Variants in COL11A2 observed in about 807,000 individuals in gnomAD.
COL11A2 encodes the protein collagen type XI alpha 2 chain, also known as collagen alpha-2(XI) chain.
A neutral mutation model predicts 273.4 loss-of-function variants in COL11A2; 116 were observed. That is an observed-to-expected ratio of 0.42 (90% CI 0.36 to 0.49). The LOEUF is 0.49. COL11A2 is among the 20% of genes least tolerant of loss of function. COL11A2 has a pLI of 0.00. For synonymous variants in COL11A2, 782 were observed against 864.2 expected (o/e 0.90, Z 1.67); for missense variants, 1,866 against 2,309.0 (o/e 0.81, Z 3.93).
In COL11A2 at chr6:33,177,115, A is replaced by C; in HGVS notation, c.2016+66T>G. The C allele has an allele frequency of 7.4e-6, 12 of 1,612,480 alleles. No individual in the cohort carries two copies. Among genetic ancestry groups the C allele is most frequent in the Non-Finnish European group, 1.0e-5 (12 of 1,179,624 alleles). On this transcript the variant is annotated intron_variant, in intron 24 of 65. Transcript: ENST00000341947. The surrounding 1 kb of genome is among the most constrained non-coding windows in gnomAD (Gnocchi z 5.9). ...CTGGACACAGACAAAATCCCAGCAG[A>C]CATTTAGGGTTCTCCCTACATCCCC...
At position 33,172,630 on chromosome 6, in the gene COL11A2, G is replaced by T; in HGVS notation, c.2798C>A (p.Ala933Glu). The change falls in exon 39 of 66, where the codon GCA becomes GAA. Residue 933 changes from alanine to glutamate, a missense_variant. Physicochemically the swap from Ala to Glu is moderately radical, Grantham distance 107. Transcript: ENST00000341947. ...PPGVVGPQGA[A>E]GETGPMGERG... Reference sequence around the variant, plus strand: ...CTCCCCCATAGGGCCGGTTTCTCCTGCTGCTCCCTAGACAAAAGCAGAGAG... The same window carrying T: ...CTCCCCCATAGGGCCGGTTTCTCCTTCTGCTCCCTAGACAAAAGCAGAGAG... 1 of 1,612,150 alleles carries T rather than the reference G, an allele frequency of 6.2e-7. No individual in the cohort carries two copies.
chr6:33,183,689 A>AAT (rs1772001022), intron 8 of COL11A2, among the ~76,000 whole-genome samples: 1 of 152,244 alleles, frequency 6.6e-6, no homozygotes, highest in Non-Finnish European at 1.5e-5. Context: ...AGGGACAGAT[A>AAT]ATAAGTGGCC....
At position 33,167,852 on chromosome 6, in the gene COL11A2, C is replaced by T. The variant is rs752131049; in HGVS notation, c.3961G>A (p.Gly1321Ser). Reference sequence around the variant, plus strand: ...TCGGAACCAGGCGAGCCAGCAGGACCCTGCAGGTGGAGTGGGAAGGAAGAG... The same window carrying T: ...TCGGAACCAGGCGAGCCAGCAGGACTCTGCAGGTGGAGTGGGAAGGAAGAG... The part of the protein sequence containing the change: ...NGPPGPLGKR[G>S]PAGSPGSEGR... The change falls in exon 55 of 66, where the codon GGT (glycine) becomes AGT (serine). Residue 1321 changes from glycine to serine, a missense_variant and splice_region_variant. Gly to Ser is a moderately conservative substitution (Grantham distance 56). Coordinates refer to ENST00000341947, the MANE Select transcript of COL11A2 (RefSeq NM_080680.3). This position sits in a 1 kb window ranked among gnomAD's most constrained non-coding sequence, Gnocchi z 6.1. The T allele has an allele frequency of 1.2e-6, 2 of 1,612,816 alleles. No homozygotes were observed. The highest frequency in any genetic ancestry group is 2.7e-5 in the African/African-American group (2 of 74,902).
chr6:33,187,673 A>C (rs769992061), intron 4 of COL11A2, among the ~76,000 whole-genome samples: 2 of 152,086 alleles, frequency 1.3e-5, no homozygotes, highest in Non-Finnish European at 2.9e-5. Context: ...CAAATGGGTG[A>C]ATAGGTAGAT....
chr6:33,169,234 AG>A lies in COL11A2; in HGVS notation c.3798+148del. The stretch of plus-strand genomic sequence containing the variant: ...ACTTTCTCTCCGGATCCTAGACCCC[AG>A]GCATCCCTCTGGATGCCCCATTCCC... On this transcript the variant is annotated intron_variant, in intron 51 of 65. Transcript: ENST00000341947. This position sits in a 1 kb window ranked among gnomAD's most constrained non-coding sequence, Gnocchi z 5.5. 3 of 778,296 alleles carry A rather than the reference AG, an allele frequency of 3.9e-6. No individual in the cohort carries two copies. Among genetic ancestry groups the A allele is most frequent in the Non-Finnish European group, 6.4e-6 (3 of 472,288 alleles). The allele number at this position is 778,296 out of a possible 1,614,324, so 48.2% of individuals were successfully genotyped here. A position where few individuals can be genotyped will look rare whatever the true frequency, so the allele number is the denominator to read the frequency against.
chr6:33,179,207 G>T lies in COL11A2; in HGVS notation c.1557+24C>A. 6.2e-7 allele frequency: 1 copy of T among 1,612,028 alleles called. No individual in the cohort carries two copies. Among genetic ancestry groups the T allele is most frequent in the South Asian group, 1.1e-5 (1 of 90,468 alleles). The stretch of plus-strand genomic sequence containing the variant: ...GACTGAGCTGGTGAACAGATATGGG[G>T]GTGCAGTGGAGGAAAGTGGTCACCT... On this transcript the variant is annotated intron_variant, in intron 15 of 65. Transcript: ENST00000341947. This position sits in a 1 kb window ranked among gnomAD's most constrained non-coding sequence, Gnocchi z 6.4.
At position 33,164,320 on chromosome 6, in the gene COL11A2, C is replaced by T. The variant is rs937478968; in HGVS notation, c.5017G>A (p.Glu1673Lys). The change falls in exon 65 of 66, where the codon GAG becomes AAG. Residue 1673 changes from glutamate to lysine, a missense_variant. Transcript: ENST00000341947. The surrounding 1 kb of genome is among the most constrained non-coding windows in gnomAD (Gnocchi z 4.7). ...PLRLRGANED[E>K]LSPETSPYVK... ...TAGGGGCTAGTCTCCGGGCTCAGCT[C>T]ATCCTCATTGGCCCCACGGAGTCTC... 2 of 1,613,016 alleles carry T rather than the reference C, an allele frequency of 1.2e-6. No homozygotes were observed. Among genetic ancestry groups the T allele is most frequent in the African/African-American group, 2.7e-5 (2 of 75,052 alleles).
chr6:33,170,236 C>A lies in COL11A2; in HGVS notation c.3582+90G>T. The A allele has an allele frequency of 6.4e-7, 1 of 1,573,536 alleles. No homozygotes were observed. On this transcript the variant is annotated intron_variant, in intron 48 of 65. Coordinates refer to ENST00000341947, the MANE Select transcript of COL11A2 (RefSeq NM_080680.3). This position sits in a 1 kb window ranked among gnomAD's most constrained non-coding sequence, Gnocchi z 4.3. ...CCGGGAGTAAGGGCTTCTCTTGGCC[C>A]CTGAGACGATACTAGAGTTTATGGT...
In COL11A2 at chr6:33,171,460, C is replaced by G; in HGVS notation, c.3258+7G>C. Reference sequence around the variant, plus strand: ...AAGATTGGTCGGGGTCTGTGGGGTCCCCTCACCTTGTCTCCATCCTCTCCA... The same window carrying G: ...AAGATTGGTCGGGGTCTGTGGGGTCGCCTCACCTTGTCTCCATCCTCTCCA... On this transcript the variant is annotated splice_region_variant and intron_variant, in intron 43 of 65. Coordinates refer to ENST00000341947, the MANE Select transcript of COL11A2 (RefSeq NM_080680.3). The G allele has an allele frequency of 6.2e-7, 1 of 1,613,588 alleles. No individual in the cohort carries two copies. Among genetic ancestry groups the G allele is most frequent in the South Asian group, 1.1e-5 (1 of 91,008 alleles).
Position 33,178,458 on chromosome 6 carries a change from G to C in COL11A2, c.1750C>G (p.Pro584Ala), listed in dbSNP as rs1227766373. Reference sequence around the variant, plus strand: ...ACCCTCTCTCCATCCTCACCAGGGGGACCAGGAAGGCCCTGGGCACCAGTA... The same window carrying C: ...ACCCTCTCTCCATCCTCACCAGGGGCACCAGGAAGGCCCTGGGCACCAGTA... ...GDTGAQGLPG[P>A]PGEDGERGDD... is the part of the protein sequence containing the mutation. Residue 584 changes from proline (P) to alanine (A), a missense_variant, in exon 19 of 66, where the codon CCC (proline) becomes GCC (alanine). By Grantham distance (27) the Pro-to-Ala change is conservative. Transcript: ENST00000341947. This position sits in a 1 kb window ranked among gnomAD's most constrained non-coding sequence, Gnocchi z 4.6. 1.2e-6 allele frequency: 2 copies of C among 1,612,842 alleles called. No individual in the cohort carries two copies. The highest frequency in any genetic ancestry group is 3.3e-5 in the Admixed American group (2 of 60,002).
Position 33,176,516 on chromosome 6 carries a change from G to T in COL11A2, c.2116-30C>A. 1 of 1,600,194 alleles carries T rather than the reference G, an allele frequency of 6.2e-7. No homozygotes were observed. Among genetic ancestry groups the T allele is most frequent in the Non-Finnish European group, 8.6e-7 (1 of 1,168,612 alleles). ...AAGATAAAAGAGAGGCATTTATAAA[G>T]GGGCCTCAGAGTGTCACTGTGGGGG... On this transcript the variant is annotated intron_variant, in intron 26 of 65. Coordinates refer to ENST00000341947, the MANE Select transcript of COL11A2 (RefSeq NM_080680.3). The surrounding 1 kb of genome is among the most constrained non-coding windows in gnomAD (Gnocchi z 4.9).
chr6:33,167,247 C>T lies in COL11A2; in HGVS notation c.4176+17G>A. 6.2e-7 allele frequency: 1 copy of T among 1,614,146 alleles called. No individual in the cohort carries two copies. Among genetic ancestry groups the T allele is most frequent in the Non-Finnish European group, 8.5e-7 (1 of 1,180,010 alleles). ...CACTGCCCTCACCCCTCACTCAGCCCAATCCCAGTCACTCACCACAGGACC... is the reference window on the plus strand; with the variant it reads ...CACTGCCCTCACCCCTCACTCAGCCTAATCCCAGTCACTCACCACAGGACC... On this transcript the variant is annotated intron_variant, in intron 57 of 65. Transcript: ENST00000341947. This position sits in a 1 kb window ranked among gnomAD's most constrained non-coding sequence, Gnocchi z 6.1.
At position 33,179,411 on chromosome 6, in the gene COL11A2, C is replaced by T. The variant is rs1048981298; in HGVS notation, c.1503+20G>A. On this transcript the variant is annotated intron_variant, in intron 14 of 65. Coordinates refer to ENST00000341947, the MANE Select transcript of COL11A2 (RefSeq NM_080680.3). This position sits in a 1 kb window ranked among gnomAD's most constrained non-coding sequence, Gnocchi z 6.4. ...ACACACAATTAAAGCATCCTCCACC[C>T]GAGCACCCTGCTCACTCACCAAGGG... 3.2e-5 allele frequency: 50 copies of T among 1,567,974 alleles called. No homozygotes were observed. The highest frequency in any genetic ancestry group is 3.5e-5 in the Non-Finnish European group (41 of 1,156,698).
chr6:33,167,024 A>T lies in COL11A2; in HGVS notation c.4230+46T>A. 6.2e-7 allele frequency: 1 copy of T among 1,611,472 alleles called. No individual in the cohort carries two copies. The highest frequency in any genetic ancestry group is 8.5e-7 in the Non-Finnish European group (1 of 1,179,248). ...TTGGGTCCCACAGGTTTCAGGGGCG[A>T]GGGTGATGGGAGAGACACCTGGCCA... On this transcript the variant is annotated intron_variant, in intron 58 of 65. Transcript: ENST00000341947. The surrounding 1 kb of genome is among the most constrained non-coding windows in gnomAD (Gnocchi z 6.1).
rs2150515731 is a variant in COL11A2, at chr6:33,165,384, G to T, written c.4750+165C>A. Among the ~76,000 whole-genome samples the T allele has an allele frequency of 6.6e-6, 1 of 152,258 alleles. No homozygotes were observed. Among genetic ancestry groups the T allele is most frequent in the East Asian group, 1.9e-4 (1 of 5,184 alleles). On this transcript the variant is annotated intron_variant, in intron 63 of 65. Transcript: ENST00000341947. This position sits in a 1 kb window ranked among gnomAD's most constrained non-coding sequence, Gnocchi z 7.7. ...ACACTGACCCAGATCAGTTGCTAAA[G>T]TATTGGGATACTTCTGACCTGGTTA...
Position 33,163,944 on chromosome 6 carries a change from A to C in COL11A2, c.5071-126T>G. On this transcript the variant is annotated intron_variant, in intron 65 of 65. Coordinates refer to ENST00000341947, the MANE Select transcript of COL11A2 (RefSeq NM_080680.3). This position sits in a 1 kb window ranked among gnomAD's most constrained non-coding sequence, Gnocchi z 4.1. ...CATCAGGGTGACTCAGGATGTACAG[A>C]CTGGCAGTGTCTATGTGCCCATGCG... The C allele has an allele frequency of 7.1e-7, 1 of 1,411,756 alleles. No individual in the cohort carries two copies. Among genetic ancestry groups the C allele is most frequent in the Non-Finnish European group, 9.9e-7 (1 of 1,007,670 alleles). The allele number at this position is 1,411,756 out of a possible 1,614,324, so 87.5% of individuals were successfully genotyped here. A position where few individuals can be genotyped will look rare whatever the true frequency, so the allele number is the denominator to read the frequency against.
In COL11A2 at chr6:33,177,793, A is replaced by C; in HGVS notation, c.1873-87T>G. 1 of 1,458,870 alleles carries C rather than the reference A, an allele frequency of 6.9e-7. No individual in the cohort carries two copies. The highest frequency in any genetic ancestry group is 9.5e-7 in the Non-Finnish European group (1 of 1,047,664). 90.4% of individuals were successfully genotyped at this position (1,458,870 alleles called of 1,614,324 possible). Reference sequence around the variant, plus strand: ...AGGCCCGGCCATTCCCGAGGGTGTGACGGTCAGACCTCCAATCCATCCCAA... The same window carrying C: ...AGGCCCGGCCATTCCCGAGGGTGTGCCGGTCAGACCTCCAATCCATCCCAA... On this transcript the variant is annotated intron_variant, in intron 21 of 65. Transcript: ENST00000341947. The surrounding 1 kb of genome is among the most constrained non-coding windows in gnomAD (Gnocchi z 5.9).
intron 40 of COL11A2, 49 bp from the exon 41 acceptor site, chr6:33,172,152 G>A (rs752526098): frequency 1.2e-6 from 2 of 1,610,016 alleles, no homozygotes; most frequent in Non-Finnish European, 1.7e-6. Context: ...AAAGAGAAGG[G>A]TGAGAGCTGG....
In COL11A2 at chr6:33,176,525, G is replaced by A; in HGVS notation, c.2116-39C>T. ...GAGAGGCATTTATAAAGGGGCCTCAGAGTGTCACTGTGGGGGCCTCCAGGG... is the reference window on the plus strand; with the variant it reads ...GAGAGGCATTTATAAAGGGGCCTCAAAGTGTCACTGTGGGGGCCTCCAGGG... On this transcript the variant is annotated intron_variant, in intron 26 of 65. Coordinates refer to ENST00000341947, the MANE Select transcript of COL11A2 (RefSeq NM_080680.3). The surrounding 1 kb of genome is among the most constrained non-coding windows in gnomAD (Gnocchi z 4.9). The A allele has an allele frequency of 6.3e-7, 1 of 1,580,958 alleles. No individual in the cohort carries two copies. Among genetic ancestry groups the A allele is most frequent in the Non-Finnish European group, 8.7e-7 (1 of 1,151,180 alleles).
Sources: allele counts gnomAD v4.1 joint callset (sites outside exome capture counted in the v4.1 genomes callset), GRCh38; gene constraint gnomAD v4.1.1; non-coding constraint Gnocchi (gnomAD v3.1); transcripts MANE v1.5; gene names NCBI Gene and HGNC (gene_info 2026-07-23, HGNC 2026-07-21).